Variants in TOGARAM2 observed in about 807,000 individuals in gnomAD.
TOGARAM2 encodes TOG array regulator of axonemal microtubules protein 2.
TOGARAM2 carries 85 observed loss-of-function variants against 93.3 expected under a neutral mutation model. The observed-to-expected ratio is 0.91, with a 90% confidence interval of 0.76 to 1.09. TOGARAM2 has a LOEUF of 1.09. Ranked by LOEUF, TOGARAM2 falls within the 50% of genes least tolerant of loss-of-function variation. The pLI is 0.00. For synonymous variants in TOGARAM2, 593 were observed against 552.8 expected, an observed-to-expected ratio of 1.07 and a Z score of -1.02; for missense variants, 1,277 against 1,334.5, an observed-to-expected ratio of 0.96 and a Z score of 0.67.
At chr2:29,010,232 C>T (rs774488228) in intron 6 of TOGARAM2, among the ~76,000 whole-genome samples, 22 of 152,146 alleles carry the variant, frequency 1.4e-4, no homozygotes, top group South Asian at 2.1e-4. Context: ...CCTCCCCGCC[C>T]GCCTCCAATC....
chr2:29,042,636 T>C (rs1405609643), intron 18 of TOGARAM2, among the ~76,000 whole-genome samples: 1 of 152,198 alleles, frequency 6.6e-6, no homozygotes, highest in African/African-American at 2.4e-5. Context: ...TCTCAGCTGC[T>C]TAGTCTGTTG....
At chr2:28,989,660 C>T (rs1672626380) in intron 1 of TOGARAM2, among the ~76,000 whole-genome samples, 1 of 152,138 alleles carries the variant, frequency 6.6e-6, no homozygotes, top group African/African-American at 2.4e-5. Context: ...CAGCCTTGGC[C>T]TCCCAAAGTG....
chr2:29,003,159 G>C (rs1673407027), intron 5 of TOGARAM2, among the ~76,000 whole-genome samples: 1 of 152,226 alleles, frequency 6.6e-6, no homozygotes, highest in South Asian at 2.1e-4. Flanking sequence ...CTCACTGGCT[G>C]TGTGACCTTG....
chr2:29,012,865 TG>T lies in TOGARAM2; in HGVS notation c.877+1365del, dbSNP rs143141221. 2.3e-4 allele frequency among the ~76,000 whole-genome samples: 35 copies of T among 152,298 alleles called. No homozygotes were observed. The East Asian group carries it at 4.2e-3, about 18-fold the overall frequency. ...CCCTGGCCAGGTGGTGCCTACCACATGTGCCCTCTGCTCTGCCTCTTACCTC... is the reference window on the plus strand; with the variant it reads ...CCCTGGCCAGGTGGTGCCTACCACATTGCCCTCTGCTCTGCCTCTTACCTC... On this transcript the variant is annotated intron_variant, in intron 7 of 19. Transcript: ENST00000379558.
chr2:28,976,650 C>G (rs200101894), upstream of TOGARAM2, among the ~76,000 whole-genome samples: 3 of 152,216 alleles, frequency 2.0e-5, no homozygotes, highest in Admixed American at 1.3e-4. Context: ...AACCAGAAGG[C>G]GTTAGTCCCC....
intron 6 of TOGARAM2, among the ~76,000 whole-genome samples, chr2:29,006,376 ATG>A (rs958605519): frequency 8.8e-5 from 11 of 125,688 alleles, no homozygotes; most frequent in Non-Finnish European, 1.2e-4. Context: ...GTGCATGTGT[ATG>A]TGTGTGAGTG....
intron 1 of TOGARAM2, among the ~76,000 whole-genome samples, chr2:28,967,798 CTTTT>C (rs11417570): frequency 1.3e-5 from 1 of 78,538 alleles, no homozygotes; most frequent in African/African-American, 5.4e-5. Flanking sequence ...ATAAGATGGT[CTTTT>C]TTTTTTTTTT....
chr2:28,969,588 G>T (rs1671915641), intron 1 of TOGARAM2, among the ~76,000 whole-genome samples: 2 of 152,146 alleles, frequency 1.3e-5, no homozygotes, highest in Admixed American at 1.3e-4. Context: ...AAAAAGTTTG[G>T]CACCAGACAG....
intron 1 of TOGARAM2, among the ~76,000 whole-genome samples, chr2:28,969,595 A>G (rs1418014211): frequency 6.6e-6 from 1 of 152,164 alleles, no homozygotes; most frequent in East Asian, 1.9e-4. Flanking sequence ...TTGGCACCAG[A>G]CAGACCTCTG....
intron 1 of TOGARAM2, among the ~76,000 whole-genome samples, chr2:28,969,028 C>A (rs1671909070): frequency 1.3e-5 from 2 of 151,976 alleles, no homozygotes; most frequent in Admixed American, 1.3e-4. Context: ...CCAGGAAGAT[C>A]AGCATGAGAG....
rs1401964392 is a variant in TOGARAM2 at position 29,023,083 on chromosome 2, C to T, written c.1512-3C>T. The T allele has an allele frequency of 1.3e-6, 2 of 1,585,748 alleles. No individual in the cohort carries two copies. The highest frequency in any genetic ancestry group is 2.3e-5 in the East Asian group (1 of 43,864). On this transcript the variant is annotated splice_region_variant and splice_polypyrimidine_tract_variant and intron_variant, in intron 11 of 19. Transcript: ENST00000379558. ...TGCAACAGGGCCTGGCCTTGCTTCTCAGGCAGATGAAGGAGAAGGGTCTGG... is the reference window on the plus strand; with the variant it reads ...TGCAACAGGGCCTGGCCTTGCTTCTTAGGCAGATGAAGGAGAAGGGTCTGG...
intron 1 of TOGARAM2, among the ~76,000 whole-genome samples, chr2:28,982,999 A>T (rs1478902626): frequency 6.7e-6 from 1 of 150,226 alleles, no homozygotes; most frequent in Non-Finnish European, 1.5e-5. Context: ...ATTTCGCTTC[A>T]TTTTTTGAGA....
At chr2:29,024,015 G>A (rs931586896) in intron 12 of TOGARAM2, 124 bp from the exon 13 acceptor site, 1 of 764,370 alleles carries the variant, frequency 1.3e-6, no homozygotes. Context: ...TTCCAGCGTG[G>A]CAAGGCCTAG....
At chr2:28,982,033 C>A (rs182177432) in intron 1 of TOGARAM2, among the ~76,000 whole-genome samples, 1 of 152,240 alleles carries the variant, frequency 6.6e-6, no homozygotes, top group East Asian at 1.9e-4. Flanking sequence ...TCTAACCCCC[C>A]CTCTTTCTGG....
chr2:28,986,111 T>C (rs1182402500), intron 1 of TOGARAM2, among the ~76,000 whole-genome samples: 1 of 47,652 alleles, frequency 2.1e-5, no homozygotes, highest in African/African-American at 6.9e-5. Context: ...AAACTGTGTC[T>C]CAAAAAAAAA....
chr2:29,005,896 TGTGA>T (rs1161117494), intron 6 of TOGARAM2, among the ~76,000 whole-genome samples: 2 of 149,084 alleles, frequency 1.3e-5, no homozygotes, highest in African/African-American at 2.5e-5. Flanking sequence ...TGTGTATGTG[TGTGA>T]GTGCGTGTGT....
At chr2:29,018,688 T>C (rs1664747386) in intron 10 of TOGARAM2, 1 of 152,204 alleles carries the variant, frequency 6.6e-6, no homozygotes, top group Admixed American at 6.5e-5. Flanking sequence ...TTCAATTGTC[T>C]CAAGTAGAAA....
At chr2:29,015,756 T>C (rs932572847) in intron 8 of TOGARAM2, among the ~76,000 whole-genome samples, 1 of 152,160 alleles carries the variant, frequency 6.6e-6, no homozygotes, top group Middle Eastern at 3.2e-3. Flanking sequence ...CAGCCAGGGA[T>C]AGGGGTGAGG....
chr2:28,984,119 C>G (rs141041462), intron 1 of TOGARAM2, among the ~76,000 whole-genome samples: 2 of 151,980 alleles, frequency 1.3e-5, no homozygotes, highest in Non-Finnish European at 2.9e-5. Context: ...GAATTACAGA[C>G]CCAGGCTCCA....
Sources: gnomAD v4.1 joint callset for allele counts (sites outside exome capture counted in the v4.1 genomes callset) on GRCh38, gnomAD v4.1.1 for gene constraint, MANE v1.5 for transcripts, NCBI Gene and HGNC (gene_info 2026-07-23, HGNC 2026-07-21) for gene names.